TMEM230: variants seen among roughly 807,000 people sequenced by gnomAD.
TMEM230 encodes the protein UPF0414 transmembrane protein C20orf30.
TMEM230 carries 10 observed loss-of-function variants against 15.8 expected under a neutral mutation model. The ratio of observed to expected loss-of-function variants is 0.63; its 90% CI spans 0.39 to 1.07. TMEM230 has a LOEUF of 1.07. Ranked by LOEUF, TMEM230 falls within the 50% of genes least tolerant of loss-of-function variation. The pLI, the probability that TMEM230 is intolerant of heterozygous loss-of-function variation, is 0.01. For missense variants in TMEM230, 165 were observed against 193.3 expected, an observed-to-expected ratio of 0.85 and a Z score of 0.87; for synonymous variants, 67 against 76.9, an observed-to-expected ratio of 0.87 and a Z score of 0.68.
At chr20:5,071,063 G>A (rs1178043456) in intron 3 of TMEM230, among the ~76,000 whole-genome samples, 1 of 152,162 alleles carries the variant, frequency 6.6e-6, no homozygotes, top group Non-Finnish European at 1.5e-5. Context: ...GAATGGCAAT[G>A]GAGTAGTTGT....
chr20:5,073,272 A>G (rs2088885541), intron 3 of TMEM230, among the ~76,000 whole-genome samples: 1 of 152,250 alleles, frequency 6.6e-6, no homozygotes, highest in Admixed American at 6.5e-5. Context: ...TGAACGTCAC[A>G]GGTGTGGGAA....
chr20:5,084,158 G>A (rs528913361), intron 3 of TMEM230, among the ~76,000 whole-genome samples: 6 of 152,006 alleles, frequency 3.9e-5, no homozygotes, highest in African/African-American at 9.6e-5. Context: ...AATGGCCTTC[G>A]GGTCCATCTG....
At chr20:5,105,952 G>C (rs1325561246) in intron 4 of TMEM230, among the ~76,000 whole-genome samples, 2 of 152,090 alleles carry the variant, frequency 1.3e-5, no homozygotes, top group African/African-American at 4.8e-5. Context: ...TGTAGTCCCA[G>C]CTACTCGGGA....
the TMEM230 span, among the ~76,000 whole-genome samples, chr20:5,063,075 C>T: frequency 1.1e-4 from 16 of 152,038 alleles, no homozygotes; most frequent in Middle Eastern, 3.4e-3. Flanking sequence ...GACAGTGAAG[C>T]CTCACCACGG....
intron 3 of TMEM230, among the ~76,000 whole-genome samples, chr20:5,081,032 T>C (rs1027260128): frequency 2.6e-5 from 4 of 152,232 alleles, no homozygotes; most frequent in African/African-American, 7.2e-5. Context: ...AAGTGCATGA[T>C]TGGCAGACTC....
rs185694134 is a variant in TMEM230 at position 5,076,476 on chromosome 20, G to A, written c.223-7127C>T. 5.3e-3 allele frequency among the ~76,000 whole-genome samples: 800 copies of A among 152,014 alleles called. 2 individuals are homozygous for A. The highest frequency in any genetic ancestry group is 0.018 in the African/African-American group (749 of 41,484). ...GAATCACTTGCACCCATGAGGTGGAGGTTGCAGTGAGCTGAGAGCGCGCCA... is the reference window on the plus strand; with the variant it reads ...GAATCACTTGCACCCATGAGGTGGAAGTTGCAGTGAGCTGAGAGCGCGCCA... On this transcript the variant is annotated intron_variant, in intron 3 of 3. Coordinates refer to the TMEM230 transcript ENST00000612323.
the TMEM230 span, among the ~76,000 whole-genome samples, chr20:5,062,716 C>T: frequency 0.58 from 88,422 of 151,976 alleles, 26,182 homozygotes; most frequent in South Asian, 0.77. Flanking sequence ...TGAGCCCTGA[C>T]AGTGCCACTG....
chr20:5,086,471 G>A (rs146990177), intron 3 of TMEM230, among the ~76,000 whole-genome samples: 2,395 of 147,022 alleles, frequency 0.016, 67 homozygotes, highest in African/African-American at 0.057. Context: ...CCCGGGAGGC[G>A]CAGCTTGCAG....
chr20:5,069,162 C>T, exon 4 of TMEM230: 4 of 1,503,804 alleles, frequency 2.7e-6, no homozygotes, highest in East Asian at 2.5e-5. Context: ...TTTTAAGATG[C>T]TTATCTCAAA....
downstream of TMEM230, among the ~76,000 whole-genome samples, chr20:5,098,973 A>G (rs925931389): frequency 6.6e-6 from 1 of 152,070 alleles, no homozygotes; most frequent in Non-Finnish European, 1.5e-5. Flanking sequence ...CCAAATGTTT[A>G]CTTTTCACTT....
rs879140739 is a variant in TMEM230, at chr20:5,086,791, C to G, written c.223-17442G>C. Reference sequence around the variant, plus strand: ...CACAACTCACTGTAGCCTCAACCTTCTAGCCTCAAGCAATCCTCCCACCTC... The same window carrying G: ...CACAACTCACTGTAGCCTCAACCTTGTAGCCTCAAGCAATCCTCCCACCTC... On this transcript the variant is annotated intron_variant, in intron 3 of 3. Transcript: ENST00000612323. 4.6e-5 allele frequency among the ~76,000 whole-genome samples: 7 copies of G among 151,750 alleles called. No individual in the cohort carries two copies. In the South Asian group the frequency reaches 1.5e-3, roughly 31 times the overall value.
At chr20:5,071,426 A>T (rs2208272) in intron 3 of TMEM230, among the ~76,000 whole-genome samples, 8,402 of 151,996 alleles carry the variant, frequency 0.055, 707 homozygotes, top group African/African-American at 0.19. Context: ...GGAATTCGAG[A>T]CCAGCCTGGC....
downstream of TMEM230, among the ~76,000 whole-genome samples, chr20:5,066,818 C>T (rs553757811): frequency 6.6e-6 from 1 of 152,118 alleles, no homozygotes; most frequent in Non-Finnish European, 1.5e-5. Flanking sequence ...CATCATCCCT[C>T]ACAGGCAGGA....
chr20:5,093,678 A>C (rs917624687), intron 3 of TMEM230, among the ~76,000 whole-genome samples: 1 of 151,890 alleles, frequency 6.6e-6, no homozygotes, highest in Non-Finnish European at 1.5e-5. Context: ...CTGGGATTAC[A>C]GGAGTACACC....
chr20:5,104,641 G>A (rs1216477639), intron 4 of TMEM230, among the ~76,000 whole-genome samples: 1 of 152,154 alleles, frequency 6.6e-6, no homozygotes, highest in Non-Finnish European at 1.5e-5. Context: ...CAACAGACAA[G>A]TGAATAAAGA....
At chr20:5,087,696 CTTTTTTTT>C (rs561757286) in intron 3 of TMEM230, among the ~76,000 whole-genome samples, 1 of 99,536 alleles carries the variant, frequency 1.0e-5, no homozygotes, top group Non-Finnish European at 1.9e-5. Context: ...GAAAGTATGG[CTTTTTTTT>C]TTTTTTTTTT....
chr20:5,101,184 C>G (rs1381493181), intron 4 of TMEM230, among the ~76,000 whole-genome samples: 1 of 152,010 alleles, frequency 6.6e-6, no homozygotes, highest in Non-Finnish European at 1.5e-5. Flanking sequence ...TTTTAAAGCT[C>G]TTAGTTGTGA....
downstream of TMEM230, chr20:5,098,403 T>C (rs1368538531): frequency 6.6e-6 from 1 of 152,182 alleles, no homozygotes; most frequent in Non-Finnish European, 1.5e-5. Context: ...GTCCGAGTAC[T>C]AACCAGGCCT....
chr20:5,088,436 T>C (rs577076086), intron 3 of TMEM230, among the ~76,000 whole-genome samples: 2 of 152,076 alleles, frequency 1.3e-5, no homozygotes, highest in African/African-American at 4.8e-5. Context: ...TCGTGTCTCC[T>C]AACTCAGCTA....
Sources: gnomAD v4.1 joint callset for allele counts (sites outside exome capture counted in the v4.1 genomes callset) on GRCh38, gnomAD v4.1.1 for gene constraint, MANE v1.5 for transcripts, NCBI Gene and HGNC (gene_info 2026-07-23, HGNC 2026-07-21) for gene names.